CLTC: variants seen among roughly 807,000 people sequenced by gnomAD.
CLTC encodes the protein clathrin heavy chain.
A neutral mutation model predicts 195.8 loss-of-function variants in CLTC; 16 were observed. That is an observed-to-expected ratio of 0.08 (90% confidence interval 0.06 to 0.12). The LOEUF is 0.12. CLTC is among the 10% of genes least tolerant of loss of function. CLTC has a pLI of 1.00. For missense variants in CLTC, 796 were observed against 2,027.0 expected, an observed-to-expected ratio of 0.39 and a Z score of 11.66; for synonymous variants, 667 against 689.4, an observed-to-expected ratio of 0.97 and a Z score of 0.51.
At chr17:59,632,402 TAATTG>T (rs1227623877) in intron 1 of CLTC, among the ~76,000 whole-genome samples, 1 of 140,126 alleles carries the variant, frequency 7.1e-6, no homozygotes, top group African/African-American at 2.6e-5. Flanking sequence ...GAAACCAAAA[TAATTG>T]GAATGGAAGC....
At chr17:59,663,748 C>G (rs2032662885) in intron 8 of CLTC, 94 bp from the exon 9 acceptor site, 2 of 1,017,254 alleles carry the variant, frequency 2.0e-6, no homozygotes, top group Non-Finnish European at 2.9e-6. Context: ...AAGTACCTTT[C>G]ATACTAGTTA....
In CLTC at chr17:59,682,609, G is replaced by A. The variant is rs376064590; in HGVS notation, c.3601-20G>A. The A allele has an allele frequency of 3.1e-6, 5 of 1,612,236 alleles. No homozygotes were observed. Among genetic ancestry groups the A allele is most frequent in the African/African-American group, 1.3e-5 (1 of 74,818 alleles). On this transcript the variant is annotated intron_variant, in intron 22 of 31. Transcript: ENST00000269122. The surrounding 1 kb of genome is among the most constrained non-coding windows in gnomAD (Gnocchi z 6.8). ...TCACACTAATATCTTGCTGAATGTG[G>A]GTTACCTTTTTTTTTCCAGGTTGGT... is the stretch of plus-strand genomic sequence containing the variant.
chr17:59,683,416 T>C lies in CLTC; in HGVS notation c.4071T>C (p.Leu1357=), dbSNP rs1219275600. ...KVLRAAEQAH[L]WAELVFLYDK... is the part of the protein sequence containing the mutation. ...TAAGAGCTGCAGAACAAGCTCATCTTTGGGCAGAACTGGTGTTTTTGTATG... is the reference window on the plus strand; with the variant it reads ...TAAGAGCTGCAGAACAAGCTCATCTCTGGGCAGAACTGGTGTTTTTGTATG... Residue 1357 remains leucine (L), a synonymous_variant, in exon 26 of 32, where the codon CTT becomes CTC. Transcript: ENST00000269122. This position sits in a 1 kb window ranked among gnomAD's most constrained non-coding sequence, Gnocchi z 6.1. The C allele has an allele frequency of 6.2e-7, 1 of 1,613,664 alleles. No individual in the cohort carries two copies.
intron 5 of CLTC, among the ~76,000 whole-genome samples, chr17:59,652,937 T>C (rs1304385399): frequency 1.3e-5 from 2 of 152,218 alleles, no homozygotes; most frequent in Non-Finnish European, 2.9e-5. Context: ...TCCATATAAC[T>C]TGCTGCAGTT....
rs1330410278 is a variant in CLTC, at chr17:59,674,681, C to G, written c.2419-20C>G. The G allele has an allele frequency of 5.0e-6, 8 of 1,596,158 alleles. No individual in the cohort carries two copies. Among genetic ancestry groups the G allele is most frequent in the Non-Finnish European group, 6.8e-6 (8 of 1,170,958 alleles). Reference sequence around the variant, plus strand: ...CTTTTAATAACATAATAACATTCTTCTACTTCTTTTTAACCACAGGTGAAT... The same window carrying G: ...CTTTTAATAACATAATAACATTCTTGTACTTCTTTTTAACCACAGGTGAAT... On this transcript the variant is annotated intron_variant, in intron 15 of 31. Transcript: ENST00000269122.
rs79030105 is a variant in CLTC at position 59,681,232 on chromosome 17, G to A, written c.3066-63G>A. The A allele has an allele frequency of 3.3e-3, 5,118 of 1,531,184 alleles. 14 individuals are homozygous for A. The highest frequency in any genetic ancestry group is 4.1e-3 in the Non-Finnish European group (4,597 of 1,127,356). 94.8% of individuals were successfully genotyped at this position (1,531,184 alleles called of 1,614,324 possible). On this transcript the variant is annotated intron_variant, in intron 19 of 31. Coordinates refer to ENST00000269122, the MANE Select transcript of CLTC (RefSeq NM_004859.4). This position sits in a 1 kb window ranked among gnomAD's most constrained non-coding sequence, Gnocchi z 5.0. ...AAAAACCTCTCCGTTAGTCACAGTG[G>A]TTATTTTTTATGTCGGATAAACTTA... is the stretch of plus-strand genomic sequence containing the variant.
chr17:59,684,806 C>CAAAA (rs9303415), intron 28 of CLTC, among the ~76,000 whole-genome samples: 7,734 of 127,380 alleles, frequency 0.061, 409 homozygotes, highest in Middle Eastern at 0.094. Context: ...GACTCCATCT[C>CAAAA]AAAAAAAAAG....
At chr17:59,692,042 G>GGC (rs1445434053) in intron 31 of CLTC, among the ~76,000 whole-genome samples, 1 of 152,142 alleles carries the variant, frequency 6.6e-6, no homozygotes, top group Non-Finnish European at 1.5e-5. Flanking sequence ...CTGTTGGCTG[G>GGC]GTGCAGTGGC....
At chr17:59,651,359 T>C (rs755330613) in intron 5 of CLTC, 43 bp downstream of exon 5, 69 of 1,253,822 alleles carry the variant, frequency 5.5e-5, no homozygotes, top group Non-Finnish European at 7.8e-5. Context: ...ATCTCTCCTC[T>C]TAAAAGAAAT....
intron 1 of CLTC, among the ~76,000 whole-genome samples, chr17:59,627,919 A>G (rs1367665687): frequency 2.6e-5 from 4 of 152,226 alleles, no homozygotes; most frequent in Non-Finnish European, 5.9e-5. Context: ...GTTTATGCCA[A>G]GAAATAGAAG....
At chr17:59,645,716 A>C (rs1032046919) in intron 2 of CLTC, among the ~76,000 whole-genome samples, 40 of 152,190 alleles carry the variant, frequency 2.6e-4, no homozygotes, top group African/African-American at 9.4e-4. Context: ...TAGGACTAGG[A>C]TATTCAAACA....
At chr17:59,631,961 C>A (rs1173770582) in intron 1 of CLTC, among the ~76,000 whole-genome samples, 2 of 132,764 alleles carry the variant, frequency 1.5e-5, no homozygotes, top group Non-Finnish European at 3.3e-5. Context: ...CAGAGTGAGA[C>A]CCTATCTCAA....
chr17:59,667,846 T>A (rs1176374292), intron 13 of CLTC, among the ~76,000 whole-genome samples: 1 of 152,222 alleles, frequency 6.6e-6, no homozygotes, highest in African/African-American at 2.4e-5. Context: ...GTCTAACTTC[T>A]GGTCCCCAAC....
At position 59,690,715 on chromosome 17, in the gene CLTC, ATCT is replaced by A; in HGVS notation, c.4903+5_4903+7del. ...GAGACACAACCCATTGTTTATGGTA[ATCT>A]CTCTCTGTAACCTCAAAAAATTCAT... On this transcript the variant is annotated splice_donor_5th_base_variant and intron_variant, in intron 31 of 31. Coordinates refer to ENST00000269122, the MANE Select transcript of CLTC (RefSeq NM_004859.4). 1 of 1,606,354 alleles carries A rather than the reference ATCT, an allele frequency of 6.2e-7. No individual in the cohort carries two copies. The highest frequency in any genetic ancestry group is 8.5e-7 in the Non-Finnish European group (1 of 1,173,910).
At chr17:59,673,339 C>T (rs1480873492) in intron 14 of CLTC, among the ~76,000 whole-genome samples, 3 of 152,100 alleles carry the variant, frequency 2.0e-5, no homozygotes, top group Non-Finnish European at 2.9e-5. Flanking sequence ...CAGTGAAAGT[C>T]CCAGTATGGT....
In CLTC at chr17:59,693,827, A is replaced by G; in HGVS notation, c.5003A>G (p.Gln1668Arg). ...GYTAPPYGQP[Q>R]PGFGYSM ...ACCGCACCACCGTATGGACAGCCAC[A>G]GCCTGGCTTTGGGTACAGCATGTGA... Residue 1668 changes from glutamine (Q) to arginine (R), a missense_variant, in exon 32 of 32, where the codon CAG becomes CGG. Physicochemically the swap from Gln to Arg is conservative, Grantham distance 43. This residue lies in a region of CLTC where 148 missense variants were observed against 279.5 expected (regional missense o/e 0.53). Transcript: ENST00000269122. The G allele has an allele frequency of 1.2e-6, 2 of 1,612,874 alleles. No homozygotes were observed. The highest frequency in any genetic ancestry group is 1.7e-6 in the Non-Finnish European group (2 of 1,179,420).
intron 10 of CLTC, 63 bp downstream of exon 10, chr17:59,664,972 G>A: frequency 6.3e-7 from 1 of 1,590,780 alleles, no homozygotes; most frequent in South Asian, 1.1e-5. Flanking sequence ...GCCAGCCATG[G>A]TGGTTGACTT....
At chr17:59,642,336 CTG>C (rs1255718972) in intron 1 of CLTC, among the ~76,000 whole-genome samples, 5 of 152,188 alleles carry the variant, frequency 3.3e-5, no homozygotes, top group Non-Finnish European at 7.3e-5. Flanking sequence ...TCCTCAAACA[CTG>C]TGGGACTTAA....
intron 10 of CLTC, among the ~76,000 whole-genome samples, chr17:59,665,654 T>A (rs2032712608): frequency 6.6e-6 from 1 of 151,934 alleles, no homozygotes; most frequent in South Asian, 2.1e-4. Flanking sequence ...GCCTAGCCAA[T>A]ATAGCGAAAC....
Sources: allele counts gnomAD v4.1 joint callset (sites outside exome capture counted in the v4.1 genomes callset), GRCh38; gene constraint gnomAD v4.1.1; regional missense constraint gnomAD v4.1.1; non-coding constraint Gnocchi (gnomAD v3.1); transcripts MANE v1.5; gene names NCBI Gene and HGNC (gene_info 2026-07-23, HGNC 2026-07-21).